The following LTBR variants were observed in gnomAD, a reference collection of about 807,000 sequenced individuals.
LTBR encodes lymphotoxin beta receptor, also known as tumor necrosis factor receptor superfamily member 3.
A neutral mutation model predicts 45.4 loss-of-function variants in LTBR; 15 were observed. The observed-to-expected ratio is 0.33, with a 90% CI of 0.22 to 0.51. LTBR has a LOEUF of 0.51. Ranked by LOEUF, LTBR falls within the 20% of genes least tolerant of loss-of-function variation. LTBR has a pLI of 0.97. For missense variants in LTBR, 450 were observed against 565.5 expected, an observed-to-expected ratio of 0.80 and a Z score of 2.07; for synonymous variants, 228 against 231.0, an observed-to-expected ratio of 0.99 and a Z score of 0.12.
Position 6,390,141 on chromosome 12 carries a change from C to A in LTBR, c.831C>A (p.Ser277Arg). Reference protein sequence around the residue: ...QGEGPNPVAGSWEPPKAHPYF... With the variant: ...QGEGPNPVAGRWEPPKAHPYF... ...AGGGACCCAATCCTGTAGCTGGAAG[C>A]TGGGAGCCTCCGAAGGCCCATCCAT... The change falls in exon 9 of 10, where the codon AGC (serine) becomes AGA (arginine). Residue 277 changes from serine (S) to arginine (R), a missense_variant. By Grantham distance (110) the Ser-to-Arg change is moderately radical. Coordinates refer to ENST00000228918, the MANE Select transcript of LTBR (RefSeq NM_002342.3). 1 of 1,614,000 alleles carries A rather than the reference C, an allele frequency of 6.2e-7. No homozygotes were observed. Among genetic ancestry groups the A allele is most frequent in the Non-Finnish European group, 8.5e-7 (1 of 1,179,960 alleles).
At chr12:6,375,297 C>A (rs998349043), upstream of LTBR, 2 of 1,438,574 alleles carry the variant, frequency 1.4e-6, no homozygotes, top group East Asian at 2.5e-5. Context: ...TTCCTCTCCC[C>A]CCCTTGCCTT....
chr12:6,375,613 G>A (rs1217885772), intron 1 of LTBR: 17 of 912,936 alleles, frequency 1.9e-5, no homozygotes, highest in Non-Finnish European at 2.7e-5. Flanking sequence ...GGCGGGGGGA[G>A]GGGCTGAGGA....
intron 4 of LTBR, chr12:6,385,836 C>G (rs560787838): frequency 1.3e-5 from 5 of 396,616 alleles, no homozygotes; most frequent in Non-Finnish European, 2.2e-5. Flanking sequence ...ACTTGGGAGG[C>G]GGAGCTTGCA....
chr12:6,389,975 GAGAGAA>G (rs1949091983), intron 8 of LTBR, 131 bp from the exon 9 acceptor site: 1 of 664,078 alleles, frequency 1.5e-6, no homozygotes, highest in Non-Finnish European at 2.6e-6. Flanking sequence ...GAAAGAGAGA[GAGAGAA>G]AGAGAGAGAG....
In LTBR at chr12:6,388,494, G is replaced by C; in HGVS notation, c.764G>C (p.Cys255Ser). The change falls in exon 7 of 10, where the codon TGC (cysteine) becomes TCC (serine). Residue 255 changes from cysteine (C) to serine (S), a missense_variant. By Grantham distance (112) the Cys-to-Ser change is moderately radical. Around this residue, in one of 3 missense-constraint regions of LTBR, gnomAD observed 367 missense variants for 435.4 expected, o/e 0.84. Coordinates refer to ENST00000228918, the MANE Select transcript of LTBR (RefSeq NM_002342.3). This position sits in a 1 kb window ranked among gnomAD's most constrained non-coding sequence, Gnocchi z 4.3. ...ATCTGGAAGAGCCACCCTTCTCTCT[G>C]CAGGAAACTGGGTAGGAAAGGGTTG... ...SCIWKSHPSLCRKLGSLLKRR... is the reference protein window; with the variant it reads ...SCIWKSHPSLSRKLGSLLKRR... The C allele has an allele frequency of 6.2e-7, 1 of 1,613,886 alleles. No individual in the cohort carries two copies. Among genetic ancestry groups the C allele is most frequent in the Non-Finnish European group, 8.5e-7 (1 of 1,179,898 alleles).
In LTBR at chr12:6,385,155, G is replaced by T. The variant is rs373081127; in HGVS notation, c.319+8G>T. 3 of 1,614,202 alleles carry T rather than the reference G, an allele frequency of 1.9e-6. No homozygotes were observed. The highest frequency in any genetic ancestry group is 1.7e-6 in the Non-Finnish European group (2 of 1,180,034). ...GCCGCCCCTGTGACCCAGGTGAGTGGGGATGTGCCTGCGGGGGGGCTGGAT... is the reference window on the plus strand; with the variant it reads ...GCCGCCCCTGTGACCCAGGTGAGTGTGGATGTGCCTGCGGGGGGGCTGGAT... On this transcript the variant is annotated splice_region_variant and intron_variant, in intron 3 of 9. Coordinates refer to ENST00000228918, the MANE Select transcript of LTBR (RefSeq NM_002342.3).
In LTBR at chr12:6,386,457, G is replaced by A. The variant is rs753903568; in HGVS notation, c.667+13G>A. The A allele has an allele frequency of 2.6e-6, 4 of 1,545,644 alleles. No individual in the cohort carries two copies. The highest frequency in any genetic ancestry group is 1.1e-5 in the South Asian group (1 of 88,654). On this transcript the variant is annotated intron_variant, in intron 6 of 9. Coordinates refer to ENST00000228918, the MANE Select transcript of LTBR (RefSeq NM_002342.3). This position sits in a 1 kb window ranked among gnomAD's most constrained non-coding sequence, Gnocchi z 4.1. ...CCAGAGATGTCAGGTGAGGGACCAG[G>A]GCTGAGGGACACGGGGGGGGCGCCT...
At position 6,390,791 on chromosome 12, in the gene LTBR, A is replaced by G; in HGVS notation, c.1162A>G (p.Ile388Val). Residue 388 changes from isoleucine to valine, a missense_variant, in exon 10 of 10, where the codon ATT (isoleucine) becomes GTT (valine). Ile to Val is a conservative substitution (Grantham distance 29, BLOSUM62 3). This residue lies in a region of LTBR where 71 missense variants were observed against 90.4 expected (regional missense o/e 0.79). Transcript: ENST00000228918. ...AGCTACCCCCGAACCTCCATACCCC[A>G]TTCCCGAAGAGGGGGACCCTGGCCC... ...LPATPEPPYPIPEEGDPGPPG... is the reference protein window; with the variant it reads ...LPATPEPPYPVPEEGDPGPPG... 2 of 1,609,938 alleles carry G rather than the reference A, an allele frequency of 1.2e-6. No individual in the cohort carries two copies. The highest frequency in any genetic ancestry group is 1.1e-5 in the South Asian group (1 of 89,818).
At chr12:6,390,456 C>A in intron 9 of LTBR, 116 bp downstream of exon 9, 1 of 1,021,244 alleles carries the variant, frequency 9.8e-7, no homozygotes, top group Non-Finnish European at 1.4e-6. Context: ...AGAGACTCCG[C>A]TGCCAGTCAG....
Position 6,385,353 on chromosome 12 carries a change from C to T in LTBR, c.446C>T (p.Pro149Leu), listed in dbSNP as rs779628109. 3 of 1,614,032 alleles carry T rather than the reference C, an allele frequency of 1.9e-6. No homozygotes were observed. Among genetic ancestry groups the T allele is most frequent in the Admixed American group, 1.7e-5 (1 of 60,010 alleles). The change falls in exon 4 of 10, where the codon CCG becomes CTG. Residue 149 changes from proline to leucine, a missense_variant. By Grantham distance (98) the Pro-to-Leu change is moderately conservative. Transcript: ENST00000228918. ...CTHCELLSDC[P>L]PGTEAELKDE... ...CACTGCGAGCTACTTTCTGACTGCC[C>T]GCCTGGCACTGAAGCCGAGCTCAAA...
rs1300983537 is a variant in LTBR, at chr12:6,377,123, A to G, written c.39+1529A>G. 1.8e-4 allele frequency: 117 copies of G among 664,736 alleles called. No homozygotes were observed. In the East Asian group the frequency reaches 3.4e-3, roughly 19 times the overall value. 41.2% of individuals were successfully genotyped at this position (664,736 alleles called of 1,614,324 possible). ...GCAAGGAGTTTAGCAGGCAAAGAAG[A>G]GAAAAGGCAGTACTCCAGGCTCAGG... is the stretch of plus-strand genomic sequence containing the variant. On this transcript the variant is annotated intron_variant, in intron 1 of 9. Coordinates refer to the LTBR transcript ENST00000539925.
chr12:6,382,480 T>G (rs192264881), upstream of LTBR, among the ~76,000 whole-genome samples: 856 of 152,328 alleles, frequency 5.6e-3, 6 homozygotes, highest in Middle Eastern at 0.017. Context: ...ACACATTCCT[T>G]TACGCGTTTA....
At chr12:6,381,767 G>A (rs898014025), upstream of LTBR, among the ~76,000 whole-genome samples, 28 of 152,180 alleles carry the variant, frequency 1.8e-4, 1 homozygote, top group Admixed American at 1.8e-3. Flanking sequence ...AACATCAGGA[G>A]TTCAAGACCA....
upstream of LTBR, among the ~76,000 whole-genome samples, chr12:6,383,166 G>T (rs1290995581): frequency 6.6e-6 from 1 of 152,158 alleles, no homozygotes; most frequent in East Asian, 1.9e-4. Context: ...GGCAGAGGTT[G>T]CCTTCCAGAG....
chr12:6,386,587 G>C lies in LTBR; in HGVS notation c.667+143G>C, dbSNP rs1373192420. On this transcript the variant is annotated intron_variant, in intron 6 of 9. Transcript: ENST00000228918. The surrounding 1 kb of genome is among the most constrained non-coding windows in gnomAD (Gnocchi z 4.1). ...AAAGTTCCTTACAGAAAAAATTGGA[G>C]TATCTCTAGGCTAGTTTACACACAC... The C allele has an allele frequency of 1.6e-6, 1 of 630,606 alleles. No homozygotes were observed. The highest frequency in any genetic ancestry group is 2.7e-5 in the Admixed American group (1 of 36,786). The allele number at this position is 630,606 out of a possible 1,614,324, so 39.1% of individuals were successfully genotyped here. A position where few individuals can be genotyped will look rare whatever the true frequency, so the allele number is the denominator to read the frequency against.
At chr12:6,376,704 T>C (rs1338637056) in intron 1 of LTBR, among the ~76,000 whole-genome samples, 1 of 152,154 alleles carries the variant, frequency 6.6e-6, no homozygotes, top group Non-Finnish European at 1.5e-5. Context: ...CAAAAAGGGC[T>C]GGAGGAGACT....
In LTBR at chr12:6,386,628, C is replaced by T; in HGVS notation, c.667+184C>T. 1.7e-6 allele frequency: 1 copy of T among 596,570 alleles called. No homozygotes were observed. The highest frequency in any genetic ancestry group is 3.0e-6 in the Non-Finnish European group (1 of 331,554). The allele number at this position is 596,570 out of a possible 1,614,324, so 37.0% of individuals were successfully genotyped here. On this transcript the variant is annotated intron_variant, in intron 6 of 9. Transcript: ENST00000228918. The surrounding 1 kb of genome is among the most constrained non-coding windows in gnomAD (Gnocchi z 4.1). ...TTACACACACACACACACACACACA[C>T]ACACACACTTTTAAAATTATATATA...
chr12:6,382,376 A>G (rs1483374648), upstream of LTBR, among the ~76,000 whole-genome samples: 1 of 152,198 alleles, frequency 6.6e-6, no homozygotes, highest in Non-Finnish European at 1.5e-5. Context: ...TCCCAATATT[A>G]CTTTTTCTCT....
rs1949108835 is a variant in LTBR, at chr12:6,391,057, G to A, written c.*120G>A. On this transcript the variant is annotated 3_prime_UTR_variant, in exon 10 of 10. Coordinates refer to ENST00000228918, the MANE Select transcript of LTBR (RefSeq NM_002342.3). ...GGCCCGGGGAAGCAGAGCCCTAAGG[G>A]ATTAAGGCTCAGACACCTCTGAGAG... The A allele has an allele frequency of 9.2e-7, 1 of 1,087,640 alleles. No homozygotes were observed. Among genetic ancestry groups the A allele is most frequent in the Non-Finnish European group, 1.3e-6 (1 of 790,288 alleles). The allele number at this position is 1,087,640 out of a possible 1,614,324, so 67.4% of individuals were successfully genotyped here. A position where few individuals can be genotyped will look rare whatever the true frequency, so the allele number is the denominator to read the frequency against.
Sources: gnomAD v4.1 joint callset for allele counts (sites outside exome capture counted in the v4.1 genomes callset) on GRCh38, gnomAD v4.1.1 for gene constraint, gnomAD v4.1.1 regional missense constraint, Gnocchi (gnomAD v3.1) non-coding constraint, MANE v1.5 for transcripts, NCBI Gene and HGNC (gene_info 2026-07-23, HGNC 2026-07-21) for gene names.